PRKCB: variants seen among roughly 807,000 people sequenced by gnomAD.
PRKCB encodes protein kinase C beta, also known as protein kinase C beta type.
A neutral mutation model predicts 81.5 loss-of-function variants in PRKCB; 13 were observed. The observed-to-expected ratio is 0.16, with a 90% CI of 0.10 to 0.25. The LOEUF is 0.25. PRKCB is among the 10% of genes least tolerant of loss of function. The pLI is 1.00. For synonymous variants in PRKCB, 335 were observed against 321.4 expected (o/e 1.04, Z -0.45); for missense variants, 509 against 875.7 (o/e 0.58, Z 5.29).
chr16:23,918,048 T>C (rs925505515), intron 2 of PRKCB, among the ~76,000 whole-genome samples: 1 of 152,096 alleles, frequency 6.6e-6, no homozygotes. Flanking sequence ...ATGAATAAAA[T>C]GGGGTTTATC....
At chr16:24,036,150 A>G (rs1965615341) in intron 5 of PRKCB, among the ~76,000 whole-genome samples, 1 of 152,014 alleles carries the variant, frequency 6.6e-6, no homozygotes, top group Non-Finnish European at 1.5e-5. Context: ...AAAATATTTC[A>G]TGATAATTAG....
chr16:24,193,888 G>A lies in PRKCB; in HGVS notation c.1863+2658G>A, dbSNP rs535720504. 5.9e-5 allele frequency among the ~76,000 whole-genome samples: 9 copies of A among 152,312 alleles called. No individual in the cohort carries two copies. The South Asian group carries it at 1.9e-3, about 32-fold the overall frequency. On this transcript the variant is annotated intron_variant, in intron 16 of 16. Coordinates refer to ENST00000643927, the MANE Select transcript of PRKCB (RefSeq NM_002738.7). ...TCCTCAGGGCTGCTCCATCTTCATG[G>A]TATTTGGGGCTAGAACTCGGTGCTG...
intron 11 of PRKCB, among the ~76,000 whole-genome samples, chr16:24,174,009 T>A (rs2141967306): frequency 6.6e-6 from 1 of 151,522 alleles, no homozygotes; most frequent in Middle Eastern, 3.4e-3. Context: ...TATAATTCTC[T>A]CTTTTTTGGG....
chr16:23,925,412 T>C (rs1963882433), intron 2 of PRKCB, among the ~76,000 whole-genome samples: 1 of 152,066 alleles, frequency 6.6e-6, no homozygotes, highest in African/African-American at 2.4e-5. Context: ...ACTCTCTTCC[T>C]GGACGTGACC....
At chr16:24,034,080 ATGG>A (rs1965582811) in intron 4 of PRKCB, among the ~76,000 whole-genome samples, 1 of 152,178 alleles carries the variant, frequency 6.6e-6, no homozygotes, top group Admixed American at 6.5e-5. Context: ...ACACAGAAAC[ATGG>A]CAAGAGCCAC....
In PRKCB at chr16:24,219,655, AACACACACACACACACACACACACAC is replaced by A. The variant is rs869265824; in HGVS notation, c.*4862_*4887del. On this transcript the variant is annotated 3_prime_UTR_variant, in exon 17 of 17. Coordinates refer to ENST00000643927, the MANE Select transcript of PRKCB (RefSeq NM_002738.7). The stretch of plus-strand genomic sequence containing the variant: ...ATCCTAAAGCCAAAGAAAATACAGC[AACACACACACACACACACACACACAC>A]ACACACACACACACACACACACCAC... 6 of 742,548 alleles carry A rather than the reference AACACACACACACACACACACACACAC, an allele frequency of 8.1e-6. No homozygotes were observed. The highest frequency in any genetic ancestry group is 9.6e-6 in the Non-Finnish European group (6 of 627,724). The allele number at this position is 742,548 out of a possible 1,614,324, so 46.0% of individuals were successfully genotyped here.
intron 5 of PRKCB, among the ~76,000 whole-genome samples, chr16:24,071,436 TA>T (rs398042091): frequency 0.048 from 2,762 of 57,236 alleles, 47 homozygotes; most frequent in Middle Eastern, 0.1. Context: ...AGACCCTGTC[TA>T]AAAAAAAAAA....
intron 3 of PRKCB, among the ~76,000 whole-genome samples, chr16:24,007,439 T>C (rs879329766): frequency 2.6e-5 from 4 of 152,238 alleles, no homozygotes; most frequent in Non-Finnish European, 5.9e-5. Context: ...TGTGATAAAA[T>C]GCAGTTCTCT....
chr16:24,020,969 C>CTTTT (rs1470901821), intron 3 of PRKCB, among the ~76,000 whole-genome samples: 7 of 123,736 alleles, frequency 5.7e-5, no homozygotes, highest in East Asian at 2.7e-4. Context: ...CTGAGAGAGA[C>CTTTT]TTTTCTTTTT....
At chr16:24,046,945 C>T (rs1265540620) in intron 5 of PRKCB, among the ~76,000 whole-genome samples, 3 of 152,104 alleles carry the variant, frequency 2.0e-5, no homozygotes, top group African/African-American at 7.2e-5. Flanking sequence ...TAGCATGTGG[C>T]TATGGTCCCA....
chr16:24,078,158 TGTTAGTATTTATGTC>T (rs1158031527), intron 5 of PRKCB, among the ~76,000 whole-genome samples: 2 of 152,224 alleles, frequency 1.3e-5, no homozygotes, highest in Admixed American at 6.5e-5. Flanking sequence ...AGGGACTCCA[TGTTAGTATTTATGTC>T]ACATCTTTAG....
intron 15 of PRKCB, among the ~76,000 whole-genome samples, chr16:24,188,728 C>T (rs923784307): frequency 2.0e-5 from 3 of 152,134 alleles, no homozygotes; most frequent in African/African-American, 7.2e-5. Context: ...GAACATAAAG[C>T]TATAAGAGTC....
chr16:23,959,878 A>C (rs79346811), intron 2 of PRKCB, among the ~76,000 whole-genome samples: 7,304 of 152,284 alleles, frequency 0.048, 521 homozygotes, highest in African/African-American at 0.15. Context: ...CACTTTGCAG[A>C]TGGGGACACT....
chr16:24,072,211 T>A (rs1966117103), intron 5 of PRKCB, among the ~76,000 whole-genome samples: 1 of 152,130 alleles, frequency 6.6e-6, no homozygotes, highest in Non-Finnish European at 1.5e-5. Flanking sequence ...CCATACTGAT[T>A]AAGCAGTGAC....
intron 2 of PRKCB, among the ~76,000 whole-genome samples, chr16:23,900,896 A>G (rs1374081686): frequency 6.6e-6 from 1 of 151,920 alleles, no homozygotes; most frequent in Non-Finnish European, 1.5e-5. Flanking sequence ...CTGCAAGAGG[A>G]ATTTCTAGGT....
At chr16:24,118,746 G>T (rs1966763864) in intron 8 of PRKCB, among the ~76,000 whole-genome samples, 1 of 152,166 alleles carries the variant, frequency 6.6e-6, no homozygotes, top group Non-Finnish European at 1.5e-5. Context: ...GTGTATTCCT[G>T]TTTCTGAAAG....
chr16:23,950,132 A>AGGTTTTTTT (rs55986931), intron 2 of PRKCB, among the ~76,000 whole-genome samples: 19 of 97,772 alleles, frequency 1.9e-4, no homozygotes, highest in Non-Finnish European at 3.3e-4. Context: ...TATGATTTGA[A>AGGTTTTTTT]TTTTTTTTTT....
intron 5 of PRKCB, among the ~76,000 whole-genome samples, chr16:24,077,397 CTCCATCCATCCATCCA>C (rs5816242): frequency 6.6e-6 from 1 of 150,414 alleles, no homozygotes; most frequent in Non-Finnish European, 1.5e-5. Context: ...GCATTCATCT[CTCCATCCATCCATCCA>C]TCCATCCATC....
chr16:23,931,623 A>G (rs547420790), intron 2 of PRKCB, among the ~76,000 whole-genome samples: 2 of 152,258 alleles, frequency 1.3e-5, no homozygotes, highest in Admixed American at 6.5e-5. Flanking sequence ...GGCACTGCCA[A>G]TCAGTAGAAG....
Sources: gnomAD v4.1 joint callset for allele counts (sites outside exome capture counted in the v4.1 genomes callset) on GRCh38, gnomAD v4.1.1 for gene constraint, MANE v1.5 for transcripts, NCBI Gene and HGNC (gene_info 2026-07-23, HGNC 2026-07-21) for gene names.